The following ASCC3 variants were observed in gnomAD, a reference collection of about 807,000 sequenced individuals.
ASCC3 encodes activating signal cointegrator 1 complex subunit 3, also known as ASC-1 complex subunit P200.
In ASCC3, 158 loss-of-function variants were observed where a neutral mutation model predicts 256.3. The ratio of observed to expected loss-of-function variants is 0.62; its 90% confidence interval spans 0.54 to 0.70. The LOEUF (loss-of-function observed/expected upper bound fraction) is 0.70. Ranked by LOEUF, ASCC3 falls within the 30% of genes least tolerant of loss-of-function variation. The probability of loss-of-function intolerance (pLI) is 0.00; values close to 1 mark genes in which losing one functional copy is unlikely to be tolerated. For missense variants in ASCC3, 2,259 were observed against 2,626.0 expected (o/e 0.86, Z 3.05); for synonymous variants, 948 against 883.4 (o/e 1.07, Z -1.30).
intron 8 of ASCC3, among the ~76,000 whole-genome samples, chr6:100,770,173 A>T (rs1278006906): frequency 6.6e-6 from 1 of 152,050 alleles, no homozygotes; most frequent in Non-Finnish European, 1.5e-5. Context: ...GCATAAATTT[A>T]AAAATTATAA....
chr6:100,708,711 A>G (rs2115010417), intron 13 of ASCC3, among the ~76,000 whole-genome samples: 1 of 152,278 alleles, frequency 6.6e-6, no homozygotes, highest in East Asian at 1.9e-4. Context: ...CAAAATGTCA[A>G]TATTGCCCAT....
chr6:100,598,849 A>G (rs1434964437), intron 34 of ASCC3, among the ~76,000 whole-genome samples: 1 of 152,202 alleles, frequency 6.6e-6, no homozygotes, highest in African/African-American at 2.4e-5. Flanking sequence ...GATCAATACT[A>G]TCTGACAGTT....
intron 10 of ASCC3, among the ~76,000 whole-genome samples, chr6:100,754,460 G>A (rs1430356509): frequency 1.3e-5 from 2 of 152,176 alleles, no homozygotes; most frequent in South Asian, 4.2e-4. Context: ...TCAACTGTTT[G>A]TTACAAACAA....
intron 10 of ASCC3, among the ~76,000 whole-genome samples, chr6:100,753,311 A>AG (rs1342541415): frequency 1.8e-5 from 2 of 112,258 alleles, no homozygotes; most frequent in African/African-American, 3.2e-5. Flanking sequence ...ATAGCAAAAC[A>AG]AAACAAAACA....
At chr6:100,830,250 C>T (rs752155266) in intron 4 of ASCC3, among the ~76,000 whole-genome samples, 9 of 151,466 alleles carry the variant, frequency 5.9e-5, no homozygotes, top group Admixed American at 1.3e-4. Context: ...AACTTATAGA[C>T]AAAAAAACTA....
intron 33 of ASCC3, 151 bp from the exon 34 acceptor site, chr6:100,602,086 T>A: frequency 2.7e-6 from 2 of 746,368 alleles, no homozygotes; most frequent in Non-Finnish European, 4.1e-6. Context: ...TAATTTTGTA[T>A]ACTGTGTAAA....
intron 2 of ASCC3, 134 bp from the exon 3 acceptor site, chr6:100,864,348 T>A (rs1773377952): frequency 1.4e-6 from 1 of 735,930 alleles, no homozygotes; most frequent in Non-Finnish European, 2.2e-6. Flanking sequence ...TCTATTCACA[T>A]CCAAACTGAC....
chr6:100,796,323 C>A (rs1002637722), intron 8 of ASCC3, among the ~76,000 whole-genome samples: 4 of 152,004 alleles, frequency 2.6e-5, no homozygotes, highest in Non-Finnish European at 5.9e-5. Context: ...GCAATATGAC[C>A]CAGCAAATGC....
At position 100,745,423 on chromosome 6, in the gene ASCC3, G is replaced by C. The variant is rs139071862; in HGVS notation, c.1738-19720C>G. Among the ~76,000 whole-genome samples the C allele has an allele frequency of 1.4e-4, 21 of 151,210 alleles. No individual in the cohort carries two copies. The East Asian group carries it at 4.1e-3, about 29-fold the overall frequency. On this transcript the variant is annotated intron_variant, in intron 10 of 41. Coordinates refer to ENST00000369162, the MANE Select transcript of ASCC3 (RefSeq NM_006828.4). ...AACTGCTTGAACCCAGAAGGTGGAG[G>C]TTGCAGTGAGCTGAAATTGTGTCAC... is the stretch of plus-strand genomic sequence containing the variant.
At chr6:100,836,503 A>G (rs1246601982) in intron 4 of ASCC3, among the ~76,000 whole-genome samples, 3 of 152,018 alleles carry the variant, frequency 2.0e-5, no homozygotes. Context: ...AATGATCAGG[A>G]AGTTTTTGTC....
rs766027229 is a variant in ASCC3, at chr6:100,715,533, T to C, written c.2080A>G (p.Met694Val). The change falls in exon 13 of 42, where the codon ATG (methionine) becomes GTG (valine). Residue 694 changes from methionine to valine, a missense_variant and splice_region_variant. Transcript: ENST00000369162. ...TFLGIKCANKMQQLNNMDEVC... is the reference protein window; with the variant it reads ...TFLGIKCANKVQQLNNMDEVC... Reference sequence around the variant, plus strand: ...TCATCCATGTTATTCAACTGCTGCATCTTGAAGATTTTAAAACATAAAAAA... The same window carrying C: ...TCATCCATGTTATTCAACTGCTGCACCTTGAAGATTTTAAAACATAAAAAA... The C allele has an allele frequency of 2.5e-6, 4 of 1,607,928 alleles. No homozygotes were observed. Among genetic ancestry groups the C allele is most frequent in the Non-Finnish European group, 3.4e-6 (4 of 1,175,966 alleles).
chr6:100,537,665 A>G (rs761168149), intron 37 of ASCC3, among the ~76,000 whole-genome samples: 3 of 152,088 alleles, frequency 2.0e-5, no homozygotes, highest in Non-Finnish European at 4.4e-5. Flanking sequence ...AAGAAAATTA[A>G]AAATTCATTG....
intron 36 of ASCC3, among the ~76,000 whole-genome samples, chr6:100,587,566 C>G (rs760072439): frequency 2.0e-5 from 3 of 152,156 alleles, no homozygotes; most frequent in Non-Finnish European, 2.9e-5. Context: ...ATATCTAGCG[C>G]AAGCTGAAAG....
intron 8 of ASCC3, among the ~76,000 whole-genome samples, chr6:100,796,015 T>G (rs1168651246): frequency 6.6e-6 from 1 of 152,218 alleles, no homozygotes; most frequent in Non-Finnish European, 1.5e-5. Context: ...AAATGGTTTA[T>G]TTATTTATAA....
chr6:100,555,230 A>G (rs1038282208), intron 36 of ASCC3, among the ~76,000 whole-genome samples: 12 of 152,286 alleles, frequency 7.9e-5, no homozygotes, highest in Admixed American at 2.0e-4. Flanking sequence ...ACTCCACTAC[A>G]ATAAAGTATC....
At chr6:100,723,891 TA>T (rs1562251411) in intron 11 of ASCC3, among the ~76,000 whole-genome samples, 6,623 of 122,382 alleles carry the variant, frequency 0.054, 250 homozygotes, top group Non-Finnish European at 0.083. Context: ...TATATATATA[TA>T]TATATTTATA....
At chr6:100,522,920 G>C (rs1489894935) in intron 37 of ASCC3, among the ~76,000 whole-genome samples, 1 of 149,568 alleles carries the variant, frequency 6.7e-6, no homozygotes, top group African/African-American at 2.5e-5. Flanking sequence ...TATTGCCTAT[G>C]AAGTTCAGGA....
intron 37 of ASCC3, chr6:100,530,448 G>T: frequency 1.2e-6 from 1 of 815,884 alleles, no homozygotes; most frequent in South Asian, 1.3e-5. Flanking sequence ...GAGTGTAAAA[G>T]GATCACTGGA....
chr6:100,543,693 A>G (rs1180366569), intron 36 of ASCC3, among the ~76,000 whole-genome samples: 1 of 152,052 alleles, frequency 6.6e-6, no homozygotes, highest in Admixed American at 6.5e-5. Context: ...CCTGAATAAC[A>G]GCTTCAAAAT....
Sources: allele counts gnomAD v4.1 joint callset (sites outside exome capture counted in the v4.1 genomes callset), GRCh38; gene constraint gnomAD v4.1.1; transcripts MANE v1.5; gene names NCBI Gene and HGNC (gene_info 2026-07-23, HGNC 2026-07-21).